The following KRTCAP3 variants were observed in gnomAD, a reference collection of about 807,000 sequenced individuals.
The protein encoded by KRTCAP3 is keratinocyte associated protein 3.
In KRTCAP3, 18 loss-of-function variants were observed where a neutral mutation model predicts 20.5. The ratio of observed to expected loss-of-function variants is 0.88; its 90% CI spans 0.61 to 1.31. The LOEUF (loss-of-function observed/expected upper bound fraction) is 1.31, where lower values mean the gene tolerates loss of function less well. Among genes scored for constraint, KRTCAP3 ranks in the 50% most tolerant of loss-of-function variants. The probability of loss-of-function intolerance (pLI) is 0.00; values close to 1 mark genes in which losing one functional copy is unlikely to be tolerated. For missense variants in KRTCAP3, 347 were observed against 310.4 expected (o/e 1.12, Z -0.89); for synonymous variants, 167 against 133.7 (o/e 1.25, Z -1.72).
chr2:27,442,421 C>G lies in KRTCAP3; in HGVS notation c.9C>G (p.Arg3=). 1 of 1,565,338 alleles carries G rather than the reference C, an allele frequency of 6.4e-7. No individual in the cohort carries two copies. The highest frequency in any genetic ancestry group is 8.7e-7 in the Non-Finnish European group (1 of 1,155,988). Residue 3 remains arginine, a synonymous_variant, in exon 1 of 7, where the codon CGC becomes CGG. Transcript: ENST00000288873. ...CTGGCGCGGCGGACGGGATGAGGCG[C>G]TGCAGTCTCTGCGCTTTCGGTAACT... MR[R]CSLCAFDAAR... is the part of the protein sequence containing the mutation.
downstream of KRTCAP3, chr2:27,445,499 C>T (rs779399556): frequency 6.4e-7 from 1 of 1,573,084 alleles, no homozygotes; most frequent in South Asian, 1.2e-5. This position sits in a 1 kb window ranked among gnomAD's most constrained non-coding sequence, Gnocchi z 4.4. Context: ...CAGGGCAGGA[C>T]AAGTTGGGGT....
chr2:27,444,950 T>G, downstream of KRTCAP3: 2 of 1,524,138 alleles, frequency 1.3e-6, no homozygotes, highest in Non-Finnish European at 1.8e-6. Context: ...CACCCAGACT[T>G]GTTTTTTTTT....
At chr2:27,444,886 T>C, downstream of KRTCAP3, 1 of 962,190 alleles carries the variant, frequency 1.0e-6, no homozygotes, top group East Asian at 2.5e-5. Context: ...TGACCTCAGG[T>C]GATCCGCCCA....
chr2:27,445,689 T>G, downstream of KRTCAP3: 1 of 1,585,994 alleles, frequency 6.3e-7, no homozygotes, highest in Non-Finnish European at 8.6e-7. The surrounding 1 kb of genome is among the most constrained non-coding windows in gnomAD (Gnocchi z 4.4). Flanking sequence ...ATATTCTCCC[T>G]CCTCAAGGCA....
chr2:27,445,747 G>C (rs866404849), downstream of KRTCAP3: 1 of 1,614,030 alleles, frequency 6.2e-7, no homozygotes, highest in Admixed American at 1.7e-5. The surrounding 1 kb of genome is among the most constrained non-coding windows in gnomAD (Gnocchi z 4.4). Flanking sequence ...GCCCTTACCG[G>C]TACATGCTGC....
rs1412768199 is a variant in KRTCAP3, at chr2:27,442,386, G to A, written c.-27G>A. 2 of 1,544,810 alleles carry A rather than the reference G, an allele frequency of 1.3e-6. No homozygotes were observed. Among genetic ancestry groups the A allele is most frequent in the Non-Finnish European group, 1.7e-6 (2 of 1,145,734 alleles). ...GGGCGGGGCCGGGCCCAGGTACAGCGGCCCTGCGGCTGGCGCGGCGGACGG... is the reference window on the plus strand; with the variant it reads ...GGGCGGGGCCGGGCCCAGGTACAGCAGCCCTGCGGCTGGCGCGGCGGACGG... On this transcript the variant is annotated 5_prime_UTR_variant, in exon 1 of 7. Coordinates refer to ENST00000288873, the MANE Select transcript of KRTCAP3 (RefSeq NM_173853.4).
In KRTCAP3 at chr2:27,444,030, C is replaced by T. The variant is rs749405253; in HGVS notation, c.697C>T (p.Arg233Trp). The T allele has an allele frequency of 3.7e-6, 6 of 1,613,300 alleles. No individual in the cohort carries two copies. Among genetic ancestry groups the T allele is most frequent in the East Asian group, 2.2e-5 (1 of 44,862 alleles). ...GCTACTGGATCAAAATCAAGAAATCCGGGCATCACAGAGAAGTTGGGTTTA... is the reference window on the plus strand; with the variant it reads ...GCTACTGGATCAAAATCAAGAAATCTGGGCATCACAGAGAAGTTGGGTTTA... ...EQLLDQNQEI[R>W]ASQRSWV The change falls in exon 6 of 7, where the codon CGG (arginine) becomes TGG (tryptophan). Residue 233 changes from arginine (R) to tryptophan (W), a missense_variant. Arg to Trp is a moderately radical substitution (Grantham distance 101). Transcript: ENST00000288873.
At position 27,443,098 on chromosome 2, in the gene KRTCAP3, C is replaced by T. The variant is rs1664722822; in HGVS notation, c.298C>T (p.Leu100=). 6.2e-7 allele frequency: 1 copy of T among 1,613,992 alleles called. No individual in the cohort carries two copies. Among genetic ancestry groups the T allele is most frequent in the Non-Finnish European group, 8.5e-7 (1 of 1,180,020 alleles). Residue 100 remains leucine, a synonymous_variant, in exon 4 of 7, where the codon CTG becomes TTG. Transcript: ENST00000288873. The part of the protein sequence containing the change: ...PLHWVLLALA[L]VNLLLSVACS... ...GCACTGGGTCCTGCTGGCACTAGCT[C>T]TGGTGAACCTGCTCTTGTCCGTTGC...
chr2:27,443,935 ATCT>A lies in KRTCAP3; in HGVS notation c.616-7_616-5del, dbSNP rs751442187. On this transcript the variant is annotated splice_polypyrimidine_tract_variant and intron_variant, in intron 5 of 6. Coordinates refer to ENST00000288873, the MANE Select transcript of KRTCAP3 (RefSeq NM_173853.4). ...ATTCAGGGCGAGGGTGTCTAACTCT[ATCT>A]TCTTCTGCAGCTAGAGGAAATGACA... 7.5e-6 allele frequency: 11 copies of A among 1,467,966 alleles called. No homozygotes were observed. Among genetic ancestry groups the A allele is most frequent in the Admixed American group, 3.3e-5 (2 of 59,828 alleles). 90.9% of individuals were successfully genotyped at this position (1,467,966 alleles called of 1,614,324 possible).
At chr2:27,443,366 C>T in intron 4 of KRTCAP3, 32 bp from the exon 5 acceptor site, 1 of 1,613,996 alleles carries the variant, frequency 6.2e-7, no homozygotes, top group Non-Finnish European at 8.5e-7. Flanking sequence ...TTGCCCTACT[C>T]CCTCCTACTC....
At chr2:27,445,596 AC>A (rs1665003591), downstream of KRTCAP3, 1 of 1,296,000 alleles carries the variant, frequency 7.7e-7, no homozygotes, top group Admixed American at 2.3e-5. The surrounding 1 kb of genome is among the most constrained non-coding windows in gnomAD (Gnocchi z 4.4). Flanking sequence ...GGATGCAGTC[AC>A]AGCCTTTTCT....
At chr2:27,444,555 G>A (rs768451674), downstream of KRTCAP3, 5 of 1,536,238 alleles carry the variant, frequency 3.3e-6, no homozygotes, top group Non-Finnish European at 4.5e-6. Flanking sequence ...AGAGGAACTT[G>A]TTAATGCTGG....
intron 4 of KRTCAP3, 34 bp from the exon 5 acceptor site, chr2:27,443,364 C>G (rs1265360372): frequency 1.2e-6 from 2 of 1,613,856 alleles, no homozygotes; most frequent in African/African-American, 2.7e-5. Context: ...ACTTGCCCTA[C>G]TCCCTCCTAC....
rs1262439447 is a variant in KRTCAP3, at chr2:27,442,571, C to G, written c.29-8C>G. ...CGACTCAACCCTGCCCTCCCCCGTG[C>G]TTTGCAGACGCCGCCCGGGGGCCCA... On this transcript the variant is annotated splice_region_variant and splice_polypyrimidine_tract_variant and intron_variant, in intron 1 of 6. Transcript: ENST00000288873. The G allele has an allele frequency of 6.6e-7, 1 of 1,524,848 alleles. No individual in the cohort carries two copies. 94.5% of individuals were successfully genotyped at this position (1,524,848 alleles called of 1,614,324 possible). A position where few individuals can be genotyped will look rare whatever the true frequency, so the allele number is the denominator to read the frequency against.
chr2:27,443,579 G>A (rs1165109094), intron 5 of KRTCAP3, 47 bp downstream of exon 5: 4 of 1,609,144 alleles, frequency 2.5e-6, no homozygotes, highest in Non-Finnish European at 2.5e-6. Context: ...GACTGGCTGT[G>A]TTGAAAAGAT....
downstream of KRTCAP3, chr2:27,444,299 T>G: frequency 3.0e-6 from 2 of 664,726 alleles, no homozygotes; most frequent in Non-Finnish European, 5.3e-6. Flanking sequence ...TTTCTTCTAC[T>G]TGATTATGAT....
rs369704814 is a variant in KRTCAP3 at position 27,442,567 on chromosome 2, C to T, written c.29-12C>T. On this transcript the variant is annotated splice_polypyrimidine_tract_variant and intron_variant, in intron 1 of 6. Coordinates refer to ENST00000288873, the MANE Select transcript of KRTCAP3 (RefSeq NM_173853.4). Reference sequence around the variant, plus strand: ...CGCCCGACTCAACCCTGCCCTCCCCCGTGCTTTGCAGACGCCGCCCGGGGG... The same window carrying T: ...CGCCCGACTCAACCCTGCCCTCCCCTGTGCTTTGCAGACGCCGCCCGGGGG... 2 of 1,523,892 alleles carry T rather than the reference C, an allele frequency of 1.3e-6. No homozygotes were observed. Among genetic ancestry groups the T allele is most frequent in the Non-Finnish European group, 8.8e-7 (1 of 1,135,774 alleles). 94.4% of individuals were successfully genotyped at this position (1,523,892 alleles called of 1,614,324 possible).
intron 6 of KRTCAP3, 56 bp from the exon 7 acceptor site, chr2:27,444,130 A>C: frequency 2.2e-6 from 2 of 926,020 alleles, no homozygotes. Flanking sequence ...AACTGGGTCT[A>C]GGTCTTGCCA....
intron 1 of KRTCAP3, 39 bp from the exon 2 acceptor site, chr2:27,442,540 C>T (rs867300887): frequency 6.5e-7 from 1 of 1,534,820 alleles, no homozygotes. Flanking sequence ...CTCTCCCCTC[C>T]CCGCCCGACT....
Sources: gnomAD v4.1 joint callset for allele counts on GRCh38, gnomAD v4.1.1 for gene constraint, Gnocchi (gnomAD v3.1) non-coding constraint, MANE v1.5 for transcripts, NCBI Gene and HGNC (gene_info 2026-07-23, HGNC 2026-07-21) for gene names.